Variants in PRKAA2 observed in about 807,000 individuals in gnomAD.
PRKAA2 encodes 5'-AMP-activated protein kinase catalytic subunit alpha-2.
Under a neutral mutation model 56.3 loss-of-function variants are expected in PRKAA2, and 40 were observed. That is an observed-to-expected ratio of 0.71 (90% CI 0.55 to 0.92). The LOEUF is 0.92. PRKAA2 is among the 40% of genes least tolerant of loss of function. The pLI, the probability that PRKAA2 is intolerant of heterozygous loss-of-function variation, is 0.00. For synonymous variants in PRKAA2, 214 were observed against 234.2 expected (o/e 0.91, Z 0.79); for missense variants, 542 against 686.9 (o/e 0.79, Z 2.36).
chr1:56,693,696 T>A (rs1644242386), intron 4 of PRKAA2, 69 bp from the exon 5 acceptor site: 1 of 1,118,744 alleles, frequency 8.9e-7, no homozygotes, highest in Non-Finnish European at 1.3e-6. Flanking sequence ...GAAATTTTGC[T>A]CATATTTATA....
intron 2 of PRKAA2, among the ~76,000 whole-genome samples, chr1:56,689,878 C>T (rs1644215314): frequency 7.4e-6 from 1 of 135,840 alleles, no homozygotes; most frequent in South Asian, 2.5e-4. Context: ...CTTTGGATGC[C>T]TAGAAACACA....
rs1306693099 is a variant in PRKAA2, at chr1:56,709,347, A to G, written c.*1634A>G. The G allele has an allele frequency of 2.6e-5, 4 of 152,204 alleles. No homozygotes were observed. The highest frequency in any genetic ancestry group is 4.4e-5 in the Non-Finnish European group (3 of 68,034). 9.4% of individuals were successfully genotyped at this position (152,204 alleles called of 1,614,324 possible). ...ATCATATGGCTTTGCAGATCTTTTA[A>G]AAACTGATGTTAAATAACTTATAAG... On this transcript the variant is annotated 3_prime_UTR_variant, in exon 9 of 9. Transcript: ENST00000371244.
rs993898625 is a variant in PRKAA2, at chr1:56,715,325, T to C, written c.*7612T>C. 1.3e-5 allele frequency: 2 copies of C among 152,190 alleles called. No individual in the cohort carries two copies. The highest frequency in any genetic ancestry group is 2.4e-5 in the African/African-American group (1 of 41,466). 9.4% of individuals were successfully genotyped at this position (152,190 alleles called of 1,614,324 possible). A position where few individuals can be genotyped will look rare whatever the true frequency, so the allele number is the denominator to read the frequency against. ...AATCAAATTAAAAGTCTCTGATTCA[T>C]TTGAAAGCTATTTTTGTTTCTGCTC... On this transcript the variant is annotated 3_prime_UTR_variant, in exon 9 of 9. Transcript: ENST00000371244.
At chr1:56,648,983 A>G (rs756632329) in intron 1 of PRKAA2, among the ~76,000 whole-genome samples, 7 of 152,160 alleles carry the variant, frequency 4.6e-5, no homozygotes, top group Admixed American at 1.3e-4. Flanking sequence ...TATTTTGCAA[A>G]TATTTTCTTC....
intron 2 of PRKAA2, among the ~76,000 whole-genome samples, chr1:56,685,330 A>G (rs1644183482): frequency 2.4e-4 from 1 of 4,182 alleles, no homozygotes; most frequent in African/African-American, 1.7e-3. Flanking sequence ...AGAAGGAGTT[A>G]GTAAAAGATT....
intron 6 of PRKAA2, 114 bp from the exon 7 acceptor site, chr1:56,703,857 G>A: frequency 8.3e-7 from 1 of 1,202,354 alleles, no homozygotes; most frequent in Non-Finnish European, 1.2e-6. Flanking sequence ...AAGTGGCAGA[G>A]CTAGGTCTAG....
chr1:56,648,267 T>C (rs147791886), intron 1 of PRKAA2, among the ~76,000 whole-genome samples: 1 of 152,332 alleles, frequency 6.6e-6, no homozygotes, highest in African/African-American at 2.4e-5. Flanking sequence ...GTTTTCTGCC[T>C]GTATAAATTT....
chr1:56,669,130 G>A (rs1202043196), intron 1 of PRKAA2, among the ~76,000 whole-genome samples: 6 of 152,120 alleles, frequency 3.9e-5, no homozygotes, highest in Admixed American at 2.6e-4. Context: ...AAATGGCTGA[G>A]CTTCCTCTGT....
chr1:56,682,009 T>C (rs899599442), intron 2 of PRKAA2, among the ~76,000 whole-genome samples: 1 of 152,174 alleles, frequency 6.6e-6, no homozygotes, highest in Non-Finnish European at 1.5e-5. Context: ...CTTCCATTTG[T>C]TTGTGTCCTC....
chr1:56,690,056 T>A (rs1644217311), intron 2 of PRKAA2, among the ~76,000 whole-genome samples: 1 of 150,728 alleles, frequency 6.6e-6, no homozygotes, highest in African/African-American at 2.5e-5. Context: ...CGCCAGATTA[T>A]TTTGAAGCAA....
Position 56,712,873 on chromosome 1 carries a change from A to C in PRKAA2, c.*5160A>C, listed in dbSNP as rs1039044190. ...TCAAAAAAAAACAAAAAAAGGAAAA[A>C]GAAAACTAGCCCCAGTCCCTGTCTA... On this transcript the variant is annotated 3_prime_UTR_variant, in exon 9 of 9. Transcript: ENST00000371244. The C allele has an allele frequency of 2.6e-5, 4 of 152,002 alleles. No homozygotes were observed. Among genetic ancestry groups the C allele is most frequent in the African/African-American group, 9.7e-5 (4 of 41,368 alleles). The allele number at this position is 152,002 out of a possible 1,614,324, so 9.4% of individuals were successfully genotyped here.
chr1:56,707,491 G>A lies in PRKAA2; in HGVS notation c.1437G>A (p.Gln479=). Residue 479 remains glutamine (Q), a synonymous_variant, in exon 9 of 9, where the codon CAG becomes CAA. Transcript: ENST00000371244. The part of the protein sequence containing the change: ...FKSIDDEVVE[Q]RSGSSTPQRS... Reference sequence around the variant, plus strand: ...CCATTTCAGATGAAGTAGTGGAGCAGAGATCTGGTTCCTCAACACCTCAGC... The same window carrying A: ...CCATTTCAGATGAAGTAGTGGAGCAAAGATCTGGTTCCTCAACACCTCAGC... The A allele has an allele frequency of 6.2e-7, 1 of 1,614,130 alleles. No individual in the cohort carries two copies. Among genetic ancestry groups the A allele is most frequent in the Non-Finnish European group, 8.5e-7 (1 of 1,180,000 alleles).
intron 6 of PRKAA2, among the ~76,000 whole-genome samples, chr1:56,698,721 A>G (rs1051852599): frequency 1.3e-5 from 2 of 152,086 alleles, no homozygotes; most frequent in East Asian, 1.9e-4. Context: ...TTGTACATCT[A>G]TTATTTTCTT....
intron 7 of PRKAA2, among the ~76,000 whole-genome samples, chr1:56,705,803 A>G (rs1449576824): frequency 6.6e-6 from 1 of 152,206 alleles, no homozygotes; most frequent in East Asian, 1.9e-4. Flanking sequence ...ATCTAGAGTG[A>G]AAGCTGGACC....
Position 56,645,357 on chromosome 1 carries a change from A to T in PRKAA2, c.-31A>T. Reference sequence around the variant, plus strand: ...GGCGGCGGCGGCTACGCGGAGCGGCAGGCGGTGGAGCGAGGCCGCGCGCGC... The same window carrying T: ...GGCGGCGGCGGCTACGCGGAGCGGCTGGCGGTGGAGCGAGGCCGCGCGCGC... On this transcript the variant is annotated 5_prime_UTR_variant, in exon 1 of 9. Transcript: ENST00000371244. 1.4e-6 allele frequency: 2 copies of T among 1,432,578 alleles called. No individual in the cohort carries two copies. The highest frequency in any genetic ancestry group is 1.9e-6 in the Non-Finnish European group (2 of 1,079,962). 88.7% of individuals were successfully genotyped at this position (1,432,578 alleles called of 1,614,324 possible).
At chr1:56,681,543 A>T (rs1360496397) in intron 2 of PRKAA2, among the ~76,000 whole-genome samples, 3 of 152,198 alleles carry the variant, frequency 2.0e-5, no homozygotes, top group African/African-American at 7.2e-5. Flanking sequence ...ATAAGGTGTA[A>T]GGAAGGGGTC....
In PRKAA2 at chr1:56,704,232, T is replaced by C. The variant is rs778959092; in HGVS notation, c.1050T>C (p.Ser350=). 58 of 1,614,044 alleles carry C rather than the reference T, an allele frequency of 3.6e-5. No homozygotes were observed. Among genetic ancestry groups the C allele is most frequent in the Non-Finnish European group, 4.7e-5 (55 of 1,180,028 alleles). The change falls in exon 7 of 9, where the codon TCT becomes TCC. Residue 350 remains serine, a synonymous_variant. Coordinates refer to ENST00000371244, the MANE Select transcript of PRKAA2 (RefSeq NM_006252.4). ...FYLASSPPSG[S]FMDDSAMHIP... ...TCGCCTCTAGTCCTCCATCTGGTTC[T>C]TTTATGGATGATAGTGCCATGCATA...
chr1:56,698,915 T>C (rs969145141), intron 6 of PRKAA2, among the ~76,000 whole-genome samples: 1 of 152,210 alleles, frequency 6.6e-6, no homozygotes, highest in African/African-American at 2.4e-5. Flanking sequence ...CACATCTTTG[T>C]GTTCTCCAGG....
chr1:56,707,720 T>C lies in PRKAA2; in HGVS notation c.*7T>C, dbSNP rs1383799425. The C allele has an allele frequency of 6.4e-7, 1 of 1,565,292 alleles. No homozygotes were observed. Among genetic ancestry groups the C allele is most frequent in the Non-Finnish European group, 8.8e-7 (1 of 1,135,878 alleles). Reference sequence around the variant, plus strand: ...TACTACTTTAGCCCGTTGATCTGTCTCTAGTTTCTTTCTGTTATTGCACTA... The same window carrying C: ...TACTACTTTAGCCCGTTGATCTGTCCCTAGTTTCTTTCTGTTATTGCACTA... On this transcript the variant is annotated 3_prime_UTR_variant, in exon 9 of 9. Transcript: ENST00000371244.
Sources: gnomAD v4.1 joint callset for allele counts (sites outside exome capture counted in the v4.1 genomes callset) on GRCh38, gnomAD v4.1.1 for gene constraint, MANE v1.5 for transcripts, NCBI Gene and HGNC (gene_info 2026-07-23, HGNC 2026-07-21) for gene names.